The following IGF2R variants were observed in gnomAD, a reference collection of about 807,000 sequenced individuals.
IGF2R encodes insulin like growth factor 2 receptor, also known as cation-independent mannose-6-phosphate receptor.
Under a neutral mutation model 270.6 loss-of-function variants are expected in IGF2R, and 91 were observed. That is an observed-to-expected ratio of 0.34 (90% confidence interval 0.28 to 0.40). The LOEUF (loss-of-function observed/expected upper bound fraction) is 0.40, where lower values mean the gene tolerates loss of function less well. Among genes scored for constraint, IGF2R ranks in the 10% least tolerant of loss-of-function variants. The probability of loss-of-function intolerance (pLI) is 1.00; values close to 1 mark genes in which losing one functional copy is unlikely to be tolerated. For missense variants in IGF2R, 2,805 were observed against 3,188.3 expected (o/e 0.88, Z 2.90); for synonymous variants, 1,316 against 1,258.9 (o/e 1.05, Z -0.96).
At chr6:160,087,820 C>G (rs145339412) in intron 41 of IGF2R, among the ~76,000 whole-genome samples, 1 of 152,118 alleles carries the variant, frequency 6.6e-6, no homozygotes, top group African/African-American at 2.4e-5. Flanking sequence ...GGATTACAGG[C>G]ACCTGCCACC....
chr6:160,047,146 G>T lies in IGF2R; in HGVS notation c.2052-13G>T. 1 of 1,613,296 alleles carries T rather than the reference G, an allele frequency of 6.2e-7. No homozygotes were observed. The highest frequency in any genetic ancestry group is 2.2e-5 in the East Asian group (1 of 44,878). The stretch of plus-strand genomic sequence containing the variant: ...CTCAGGTCTTTGCTGAGAGAAACGT[G>T]TGTTTATTTCAGTGATGAGAAGACT... On this transcript the variant is annotated splice_polypyrimidine_tract_variant and intron_variant, in intron 15 of 47. Transcript: ENST00000356956.
intron 28 of IGF2R, 125 bp downstream of exon 28, chr6:160,064,656 A>G: frequency 1.7e-6 from 2 of 1,201,410 alleles, no homozygotes; most frequent in Non-Finnish European, 1.2e-6. Context: ...TAAAATAACC[A>G]TTTACAGAAA....
chr6:160,033,883 C>T (rs1193533920), intron 9 of IGF2R, among the ~76,000 whole-genome samples: 1 of 152,148 alleles, frequency 6.6e-6, no homozygotes, highest in Non-Finnish European at 1.5e-5. Flanking sequence ...GATGAAAATG[C>T]AGTTTTCTGA....
intron 2 of IGF2R, among the ~76,000 whole-genome samples, chr6:159,996,592 C>T (rs935897222): frequency 6.6e-6 from 1 of 152,190 alleles, no homozygotes; most frequent in Non-Finnish European, 1.5e-5. Flanking sequence ...GTTGCTCCAG[C>T]TCCATGGCCT....
chr6:160,102,637 C>A lies in IGF2R; in HGVS notation c.6961C>A (p.Leu2321Met), dbSNP rs1176642127. ...SLLLVALTCCLLALLLYKKER... is the reference protein window; with the variant it reads ...SLLLVALTCCMLALLLYKKER... ...GCTGCTGGTGGCGCTCACCTGCTGC[C>A]TGCTGGCCCTGTTGCTCTACAAGAA... The change falls in exon 46 of 48, where the codon CTG (leucine) becomes ATG (methionine). Residue 2321 changes from leucine (L) to methionine (M), a missense_variant. Physicochemically the swap from Leu to Met is conservative, Grantham distance 15. Coordinates refer to ENST00000356956, the MANE Select transcript of IGF2R (RefSeq NM_000876.4). The surrounding 1 kb of genome is among the most constrained non-coding windows in gnomAD (Gnocchi z 4.5). 6.2e-7 allele frequency: 1 copy of A among 1,611,446 alleles called. No homozygotes were observed. Among genetic ancestry groups the A allele is most frequent in the South Asian group, 1.1e-5 (1 of 90,884 alleles).
At chr6:160,038,863 A>ACC (rs1554242413) in intron 10 of IGF2R, among the ~76,000 whole-genome samples, 1 of 151,788 alleles carries the variant, frequency 6.6e-6, no homozygotes, top group Non-Finnish European at 1.5e-5. Flanking sequence ...AATAGAAAAA[A>ACC]CCCCACAGTA....
Position 159,969,383 on chromosome 6 carries a change from C to A in IGF2R, c.137C>A (p.Pro46His). The change falls in exon 1 of 48, where the codon CCC becomes CAC. Residue 46 changes from proline to histidine, a missense_variant. This residue lies in a region of IGF2R where 954 missense variants were observed against 981.1 expected (regional missense o/e 0.97). Transcript: ENST00000356956. ...ACGCAGGCCCAGGCCGCCCCGTTCC[C>A]CGAGCTGTGCAGGTGGGTGGCCCGC... ...GSTQAQAAPF[P>H]ELCSYTWEAV... The A allele has an allele frequency of 7.9e-7, 1 of 1,265,868 alleles. No individual in the cohort carries two copies. 78.4% of individuals were successfully genotyped at this position (1,265,868 alleles called of 1,614,324 possible).
In IGF2R at chr6:159,980,210, A is replaced by AGAAG. The variant is rs1554234618; in HGVS notation, c.149+10818_149+10819insGGAA. Among the ~76,000 whole-genome samples the AGAAG allele has an allele frequency of 2.7e-4, 26 of 95,118 alleles. 1 individual carries two copies. The highest frequency in any genetic ancestry group is 1.0e-3 in the African/African-American group (23 of 22,078). The allele number at this position is 95,118 out of a possible 152,430, so 62.4% of individuals were successfully genotyped here. On this transcript the variant is annotated intron_variant, in intron 1 of 47. Transcript: ENST00000356956. ...AAGAAAGAAAGAAAGAAAGAAAGAA[A>AGAAG]GAAAGAAAGAAAGAAAGAAAGAAAG...
Position 160,047,881 on chromosome 6 carries a change from C to T in IGF2R, c.2319C>T (p.Ser773=), listed in dbSNP as rs772732931. ...TGGAATGCGTAGTGACCGACCCCTCCACGCTGGAGCAGTACGACCTCTCCA... is the reference window on the plus strand; with the variant it reads ...TGGAATGCGTAGTGACCGACCCCTCTACGCTGGAGCAGTACGACCTCTCCA... ...EPLECVVTDP[S]TLEQYDLSSL... Residue 773 remains serine, a synonymous_variant, in exon 17 of 48, where the codon TCC becomes TCT. Coordinates refer to ENST00000356956, the MANE Select transcript of IGF2R (RefSeq NM_000876.4). 6.2e-7 allele frequency: 1 copy of T among 1,613,114 alleles called. No individual in the cohort carries two copies. Among genetic ancestry groups the T allele is most frequent in the East Asian group, 2.2e-5 (1 of 44,888 alleles).
chr6:160,076,973 G>A (rs910903161), intron 36 of IGF2R, among the ~76,000 whole-genome samples: 2 of 152,214 alleles, frequency 1.3e-5, no homozygotes, highest in Non-Finnish European at 2.9e-5. Context: ...ACATCCTTCT[G>A]ATGTTTGGGC....
intron 42 of IGF2R, among the ~76,000 whole-genome samples, chr6:160,088,695 A>G (rs1779148510): frequency 6.6e-6 from 1 of 152,228 alleles, no homozygotes; most frequent in Non-Finnish European, 1.5e-5. Context: ...GGATTTATGA[A>G]TGTATGAGTC....
At chr6:160,055,734 A>C (rs1778298001) in intron 19 of IGF2R, among the ~76,000 whole-genome samples, 1 of 152,116 alleles carries the variant, frequency 6.6e-6, no homozygotes, top group Non-Finnish European at 1.5e-5. Flanking sequence ...TTTGTGGGTC[A>C]CTGTGAGGCG....
At chr6:159,990,353 G>A (rs566226260) in intron 1 of IGF2R, among the ~76,000 whole-genome samples, 8 of 152,240 alleles carry the variant, frequency 5.3e-5, no homozygotes, top group East Asian at 1.9e-4. Context: ...TGCTGTTCTC[G>A]TGGTCATGAG....
rs199666856 is a variant in IGF2R, at chr6:160,063,403, A to G, written c.3671-12A>G. 9.5e-5 allele frequency: 153 copies of G among 1,603,424 alleles called. No homozygotes were observed. In the African/African-American group the frequency reaches 1.4e-3, roughly 15 times the overall value. On this transcript the variant is annotated splice_polypyrimidine_tract_variant and intron_variant, in intron 26 of 47. Transcript: ENST00000356956. The stretch of plus-strand genomic sequence containing the variant: ...GTTGCAGTTGCCCTTCACTTCTTCC[A>G]TGTTCTTGAAGGGGACAACTGTGAG...
chr6:159,990,455 C>CA (rs1783959678), intron 1 of IGF2R, among the ~76,000 whole-genome samples: 1 of 152,126 alleles, frequency 6.6e-6, no homozygotes, highest in Non-Finnish European at 1.5e-5. Context: ...GTTTGCTTCC[C>CA]CTTCTGTCAC....
At chr6:160,089,839 C>T (rs927053794) in intron 43 of IGF2R, 77 bp from the exon 44 acceptor site, 1 of 1,032,628 alleles carries the variant, frequency 9.7e-7, no homozygotes, top group Non-Finnish European at 1.4e-6. Context: ...TGCAGTGATT[C>T]TGAGGACTGA....
intron 19 of IGF2R, among the ~76,000 whole-genome samples, chr6:160,053,680 C>T (rs1286111686): frequency 6.6e-6 from 1 of 152,144 alleles, no homozygotes; most frequent in Non-Finnish European, 1.5e-5. Context: ...ATACACATCT[C>T]TGGTGTCCTG....
At chr6:160,018,908 G>GA (rs967619201) in intron 4 of IGF2R, among the ~76,000 whole-genome samples, 12 of 151,404 alleles carry the variant, frequency 7.9e-5, no homozygotes, top group African/African-American at 2.9e-4. Flanking sequence ...CAAGGAACTA[G>GA]AAAAAAAAGA....
intron 39 of IGF2R, among the ~76,000 whole-genome samples, chr6:160,083,217 G>C (rs1779024297): frequency 1.3e-5 from 2 of 152,180 alleles, no homozygotes. Flanking sequence ...TTAAGGGATG[G>C]TACTATGCCT....
Sources: allele counts gnomAD v4.1 joint callset (sites outside exome capture counted in the v4.1 genomes callset), GRCh38; gene constraint gnomAD v4.1.1; regional missense constraint gnomAD v4.1.1; non-coding constraint Gnocchi (gnomAD v3.1); transcripts MANE v1.5; gene names NCBI Gene and HGNC (gene_info 2026-07-23, HGNC 2026-07-21).